ACSM1: variants seen among roughly 807,000 people sequenced by gnomAD.
ACSM1 encodes acyl-CoA synthetase medium chain family member 1, also known as acyl-coenzyme A synthetase ACSM1, mitochondrial.
A neutral mutation model predicts 75.8 loss-of-function variants in ACSM1; 79 were observed. The ratio of observed to expected loss-of-function variants is 1.04; its 90% confidence interval spans 0.87 to 1.26. The LOEUF (loss-of-function observed/expected upper bound fraction) is 1.26, where lower values mean the gene tolerates loss of function less well. Among genes scored for constraint, ACSM1 ranks in the 50% most tolerant of loss-of-function variants. The pLI is 0.00. For synonymous variants in ACSM1, 279 were observed against 265.8 expected, an observed-to-expected ratio of 1.05 and a Z score of -0.48; for missense variants, 676 against 720.1, an observed-to-expected ratio of 0.94 and a Z score of 0.70.
At chr16:20,640,632 G>A (rs2018000858) in intron 7 of ACSM1, 48 bp from the exon 8 acceptor site, 1 of 1,612,782 alleles carries the variant, frequency 6.2e-7, no homozygotes, top group Admixed American at 1.7e-5. Flanking sequence ...CCCTGGCTCT[G>A]TGCATTCAGA....
At chr16:20,670,140 G>A (rs1596900422) in intron 5 of ACSM1, 154 bp from the exon 6 acceptor site, 1 of 688,456 alleles carries the variant, frequency 1.5e-6, no homozygotes. Context: ...AGGTCTCAAA[G>A]GTGTACTGCC....
chr16:20,661,725 C>A, intron 7 of ACSM1, 69 bp downstream of exon 7: 1 of 1,170,130 alleles, frequency 8.5e-7, no homozygotes, highest in South Asian at 1.3e-5. Flanking sequence ...AGAAGAAAAA[C>A]AGACCATGAT....
intron 7 of ACSM1, among the ~76,000 whole-genome samples, chr16:20,659,713 T>G (rs2019195413): frequency 6.6e-6 from 1 of 152,134 alleles, no homozygotes; most frequent in Non-Finnish European, 1.5e-5. Flanking sequence ...ATCCAGGAGA[T>G]AATCAACTAA....
At position 20,636,756 on chromosome 16, in the gene ACSM1, G is replaced by A. The variant is rs2017737827; in HGVS notation, c.1282C>T (p.Leu428Phe). ...IRIKPVRPVS[L>F]FMCYEGDPEK... ...GTCATTACCTCATAGCACATGAAGA[G>A]GCTCACAGGCCTGACAGGTTTGATT... is the stretch of plus-strand genomic sequence containing the variant. Residue 428 changes from leucine (L) to phenylalanine (F), a missense_variant, in exon 10 of 14, where the codon CTC becomes TTC. Leu to Phe is a conservative substitution (Grantham distance 22, BLOSUM62 0). Transcript: ENST00000520010. 1.2e-6 allele frequency: 2 copies of A among 1,614,068 alleles called. No homozygotes were observed. The highest frequency in any genetic ancestry group is 1.7e-6 in the Non-Finnish European group (2 of 1,179,942).
intron 7 of ACSM1, among the ~76,000 whole-genome samples, chr16:20,644,360 A>G (rs980097554): frequency 3.9e-5 from 6 of 152,240 alleles, no homozygotes; most frequent in African/African-American, 1.2e-4. Flanking sequence ...AAAATCTTAA[A>G]GTATGGGGCC....
intron 12 of ACSM1, 150 bp downstream of exon 12, chr16:20,625,273 T>C: frequency 1.4e-6 from 1 of 691,724 alleles, no homozygotes; most frequent in Non-Finnish European, 2.4e-6. Flanking sequence ...CCACAGAGAG[T>C]CCACACTGTC....
intron 7 of ACSM1, among the ~76,000 whole-genome samples, chr16:20,646,399 G>A (rs887663142): frequency 6.6e-6 from 1 of 152,178 alleles, no homozygotes; most frequent in Non-Finnish European, 1.5e-5. Context: ...AGGACTGAGG[G>A]TGCCCAGGGC....
At chr16:20,652,722 A>G (rs2018715499) in intron 7 of ACSM1, among the ~76,000 whole-genome samples, 1 of 152,318 alleles carries the variant, frequency 6.6e-6, no homozygotes, top group East Asian at 1.9e-4. Flanking sequence ...GAATCCCTGA[A>G]TAGACCAATA....
Position 20,691,063 on chromosome 16 carries a change from G to C in ACSM1, c.126C>G (p.Asp42Glu), listed in dbSNP as rs767832113. The C allele has an allele frequency of 8.1e-6, 13 of 1,613,688 alleles. No individual in the cohort carries two copies. The Admixed American group carries it at 1.3e-4, about 17-fold the overall frequency. Residue 42 changes from aspartate to glutamate, a missense_variant, in exon 2 of 14, where the codon GAC becomes GAG. Physicochemically the swap from Asp to Glu is conservative, Grantham distance 45. Transcript: ENST00000520010. ...LSEFGAPRWN[D>E]YEVPEEFNFA... The stretch of plus-strand genomic sequence containing the variant: ...AGTTAAATTCCTCCGGTACTTCATA[G>C]TCATTCCATCTTGGGGCTCCAAATT...
Position 20,671,513 on chromosome 16 carries a change from CGGTGCCCTCTTTCCTACCTTCCT to C in ACSM1, c.747_752+17del. ...CCACATCTGGGTCCAGCCTCTATGT[CGGTGCCCTCTTTCCTACCTTCCT>C]GGGAAGGAGGGTTGTAAGGCCAACC... On this transcript the variant is annotated splice_donor_variant and splice_donor_5th_base_variant and coding_sequence_variant and intron_variant, in exon 5 of 14. Coordinates refer to ENST00000520010, the MANE Select transcript of ACSM1 (RefSeq NM_001318890.3). LOFTEE classifies it high-confidence loss of function. The C allele has an allele frequency of 6.9e-6, 11 of 1,593,702 alleles. No homozygotes were observed. Among genetic ancestry groups the C allele is most frequent in the Non-Finnish European group, 9.4e-6 (11 of 1,170,474 alleles).
At position 20,674,859 on chromosome 16, in the gene ACSM1, C is replaced by T. The variant is rs577623603; in HGVS notation, c.612-3188G>A. On this transcript the variant is annotated intron_variant, in intron 4 of 13. Transcript: ENST00000520010. ...GGGCCCAAGGTAGGAAAGCCCATCC[C>T]ATAGGGATGAAGGTGAGCTTGATCA... is the stretch of plus-strand genomic sequence containing the variant. 3 of 152,396 alleles carry T rather than the reference C, an allele frequency of 2.0e-5. No homozygotes were observed. The South Asian group carries it at 6.2e-4, about 32-fold the overall frequency. The allele number at this position is 152,396 out of a possible 1,614,324, so 9.4% of individuals were successfully genotyped here.
intron 4 of ACSM1, among the ~76,000 whole-genome samples, chr16:20,678,245 G>C (rs1417413003): frequency 6.6e-6 from 1 of 151,518 alleles, no homozygotes; most frequent in Non-Finnish European, 1.5e-5. Context: ...TGAAACGGTG[G>C]CCCCCAGATT....
At chr16:20,634,787 G>A (rs958393422) in intron 10 of ACSM1, among the ~76,000 whole-genome samples, 6 of 152,062 alleles carry the variant, frequency 3.9e-5, no homozygotes, top group Non-Finnish European at 2.9e-5. Context: ...GTACAACATT[G>A]TTACTTTATT....
chr16:20,685,123 C>T, intron 3 of ACSM1, 70 bp downstream of exon 3: 1 of 1,540,322 alleles, frequency 6.5e-7, no homozygotes, highest in Non-Finnish European at 9.0e-7. Flanking sequence ...GTGCACAGCA[C>T]CTAATATCTC....
chr16:20,686,220 T>C (rs2079551462), intron 2 of ACSM1, among the ~76,000 whole-genome samples: 1 of 152,152 alleles, frequency 6.6e-6, no homozygotes, highest in Non-Finnish European at 1.5e-5. Flanking sequence ...AAAAATTTTT[T>C]TAATTAAGTT....
At chr16:20,629,039 G>C (rs1409464314) in intron 10 of ACSM1, among the ~76,000 whole-genome samples, 1 of 152,152 alleles carries the variant, frequency 6.6e-6, no homozygotes, top group African/African-American at 2.4e-5. Flanking sequence ...ATATCAAGTT[G>C]ATTCTTAGTT....
intron 3 of ACSM1, among the ~76,000 whole-genome samples, chr16:20,684,469 G>T (rs2152316958): frequency 6.6e-6 from 1 of 152,358 alleles, no homozygotes; most frequent in Non-Finnish European, 1.5e-5. Flanking sequence ...ACCCCCTGAT[G>T]TGATGCACAG....
chr16:20,649,714 A>T (rs1237947348), intron 7 of ACSM1, among the ~76,000 whole-genome samples: 1 of 152,190 alleles, frequency 6.6e-6, no homozygotes, highest in Non-Finnish European at 1.5e-5. Flanking sequence ...ATAGCCCGGA[A>T]GCCCCCACTT....
At chr16:20,638,562 C>T (rs163237) in intron 8 of ACSM1, among the ~76,000 whole-genome samples, 44,586 of 152,102 alleles carry the variant, frequency 0.29, 7,989 homozygotes, top group African/African-American at 0.5. Context: ...ATACAACAGG[C>T]GGGACACCAG....
Sources: allele counts gnomAD v4.1 joint callset (sites outside exome capture counted in the v4.1 genomes callset), GRCh38; gene constraint gnomAD v4.1.1; transcripts MANE v1.5; gene names NCBI Gene and HGNC (gene_info 2026-07-23, HGNC 2026-07-21).